The following PCDH15 variants were observed in gnomAD, a reference collection of about 807,000 sequenced individuals.
PCDH15 encodes the protein protocadherin related 15, also known as protocadherin-15.
In PCDH15, 129 loss-of-function variants were observed where a neutral mutation model predicts 178.5. The observed-to-expected ratio is 0.72, with a 90% CI of 0.63 to 0.84. The LOEUF is 0.84. Among genes scored for constraint, PCDH15 ranks in the 40% least tolerant of loss-of-function variants. The pLI is 0.00. For synonymous variants in PCDH15, 800 were observed against 732.0 expected (o/e 1.09, Z -1.50); for missense variants, 2,230 against 2,099.9 (o/e 1.06, Z -1.21).
At chr10:54,718,927 C>T (rs892639162) in intron 1 of PCDH15, among the ~76,000 whole-genome samples, 46 of 151,818 alleles carry the variant, frequency 3.0e-4, no homozygotes, top group Non-Finnish European at 1.5e-4. Flanking sequence ...GAACTCCTGA[C>T]GTCCTGATCC....
intron 2 of PCDH15, chr10:54,606,219 G>GA (rs2092734185): frequency 6.6e-6 from 1 of 152,132 alleles, no homozygotes. Context: ...TGAAGTGGAG[G>GA]AGATATGGGA....
intron 8 of PCDH15, among the ~76,000 whole-genome samples, chr10:54,297,955 C>A (rs973388547): frequency 2.0e-5 from 3 of 152,168 alleles, no homozygotes; most frequent in Admixed American, 6.6e-5. Context: ...AGAATGACAG[C>A]TGAAGAAAGG....
intron 2 of PCDH15, among the ~76,000 whole-genome samples, chr10:54,910,397 T>C (rs180950047): frequency 6.6e-5 from 10 of 152,324 alleles, no homozygotes; most frequent in African/African-American, 2.4e-4. Flanking sequence ...TTTTTCCTTA[T>C]ATTTGAGTGT....
At chr10:54,262,785 T>C (rs1472291993) in intron 8 of PCDH15, among the ~76,000 whole-genome samples, 1 of 152,188 alleles carries the variant, frequency 6.6e-6, no homozygotes, top group Admixed American at 6.5e-5. Context: ...CTGATGGTCG[T>C]AGCTTTTTTT....
At chr10:54,011,003 C>T (rs1356577989) in intron 20 of PCDH15, among the ~76,000 whole-genome samples, 1 of 152,150 alleles carries the variant, frequency 6.6e-6, no homozygotes, top group Non-Finnish European at 1.5e-5. Flanking sequence ...AGGTTTTACT[C>T]ACTCTTCCAG....
intron 27 of PCDH15, among the ~76,000 whole-genome samples, chr10:53,859,011 C>CTTCT (rs1425069867): frequency 6.6e-6 from 1 of 151,118 alleles, no homozygotes; most frequent in South Asian, 2.1e-4. Context: ...TCCTTCCTTC[C>CTTCT]TTCTTTCTTC....
chr10:54,021,320 T>C lies in PCDH15; in HGVS notation c.2527-904A>G, dbSNP rs139248508. On this transcript the variant is annotated intron_variant, in intron 19 of 37. Transcript: ENST00000644397. ...GTATGCTATAATGTGCATTTTTAAA[T>C]GCAAACACCTCCTATGGTGAACCTC... Among the ~76,000 whole-genome samples the C allele has an allele frequency of 2.6e-5, 4 of 152,142 alleles. No individual in the cohort carries two copies. The East Asian group carries it at 5.8e-4, about 22-fold the overall frequency.
At chr10:55,114,566 C>T (rs191322939) in intron 2 of PCDH15, among the ~76,000 whole-genome samples, 2 of 152,258 alleles carry the variant, frequency 1.3e-5, no homozygotes, top group African/African-American at 4.8e-5. Context: ...TGTAAGACAA[C>T]TATGACTAAG....
At chr10:53,962,280 G>T (rs1225460333) in intron 21 of PCDH15, among the ~76,000 whole-genome samples, 4 of 152,050 alleles carry the variant, frequency 2.6e-5, no homozygotes, top group African/African-American at 9.7e-5. Context: ...CATCACCATA[G>T]TTCCCCATAA....
chr10:55,238,145 C>CTAT (rs1841438532), intron 1 of PCDH15, among the ~76,000 whole-genome samples: 1 of 124,460 alleles, frequency 8.0e-6, no homozygotes, highest in Non-Finnish European at 1.7e-5. Context: ...TTCATATTTT[C>CTAT]TTTTTTTTTT....
At chr10:54,096,091 A>T (rs1271105047) in intron 15 of PCDH15, among the ~76,000 whole-genome samples, 1 of 152,120 alleles carries the variant, frequency 6.6e-6, no homozygotes, top group East Asian at 1.9e-4. Context: ...TTAAAAATTA[A>T]ATAATTTGCC....
At chr10:54,951,258 A>T (rs560941239) in intron 2 of PCDH15, among the ~76,000 whole-genome samples, 18 of 151,988 alleles carry the variant, frequency 1.2e-4, no homozygotes, top group African/African-American at 4.3e-4. Flanking sequence ...GAAATCACTG[A>T]AAGTTTTACA....
chr10:54,297,586 C>A (rs1379674530), intron 8 of PCDH15, among the ~76,000 whole-genome samples: 1 of 152,156 alleles, frequency 6.6e-6, no homozygotes, highest in South Asian at 2.1e-4. Context: ...TAGTGATAAA[C>A]CTCCTCTAAT....
chr10:54,547,385 T>C (rs1200640996), intron 2 of PCDH15, among the ~76,000 whole-genome samples: 1 of 152,134 alleles, frequency 6.6e-6, no homozygotes, highest in African/African-American at 2.4e-5. Flanking sequence ...GATATATTTG[T>C]AGAGCTTAAA....
chr10:55,468,195 C>T (rs555906613), intron 2 of PCDH15: 1 of 152,128 alleles, frequency 6.6e-6, no homozygotes, highest in South Asian at 2.1e-4. Context: ...AATGTGCTTC[C>T]TCAGAGAACA....
chr10:54,640,327 T>C (rs546318043), intron 2 of PCDH15, among the ~76,000 whole-genome samples: 45 of 152,166 alleles, frequency 3.0e-4, no homozygotes, highest in African/African-American at 1.0e-3. Context: ...GCAAAACATT[T>C]AGGAATACTT....
intron 2 of PCDH15, among the ~76,000 whole-genome samples, chr10:55,344,580 C>T (rs894166324): frequency 4.6e-5 from 7 of 151,924 alleles, no homozygotes; most frequent in South Asian, 2.1e-4. Flanking sequence ...TGTTGGTCCA[C>T]GCAACTAGTA....
intron 17 of PCDH15, among the ~76,000 whole-genome samples, chr10:54,076,682 A>G (rs1003169926): frequency 2.0e-5 from 3 of 152,162 alleles, no homozygotes; most frequent in African/African-American, 7.2e-5. Context: ...ACAATCATTA[A>G]CAAAGAAAAT....
At chr10:54,247,175 G>T (rs924521360) in intron 8 of PCDH15, among the ~76,000 whole-genome samples, 1 of 151,660 alleles carries the variant, frequency 6.6e-6, no homozygotes, top group African/African-American at 2.4e-5. Flanking sequence ...ATATATACCT[G>T]GCTATTTCCT....
Sources: gnomAD v4.1 joint callset for allele counts (sites outside exome capture counted in the v4.1 genomes callset) on GRCh38, gnomAD v4.1.1 for gene constraint, MANE v1.5 for transcripts, NCBI Gene and HGNC (gene_info 2026-07-23, HGNC 2026-07-21) for gene names.